Variants in SCAMP4 observed in about 807,000 individuals in gnomAD.
SCAMP4 encodes secretory carrier membrane protein 4, also known as secretory carrier-associated membrane protein 4.
In SCAMP4, 19 loss-of-function variants were observed where a neutral mutation model predicts 32.1. That is an observed-to-expected ratio of 0.59 (90% CI 0.41 to 0.87). The LOEUF (loss-of-function observed/expected upper bound fraction) is 0.87, where lower values mean the gene tolerates loss of function less well. SCAMP4 is among the 40% of genes least tolerant of loss of function. The pLI is 0.00. For missense variants in SCAMP4, 302 were observed against 309.0 expected (o/e 0.98, Z 0.17); for synonymous variants, 152 against 132.7 (o/e 1.15, Z -1.00).
At chr19:1,906,008 C>T (rs978118364) in intron 1 of SCAMP4, 1 of 152,360 alleles carries the variant, frequency 6.6e-6, no homozygotes, top group East Asian at 1.9e-4. Flanking sequence ...CGAGGTTCCC[C>T]GCTGTCTTGC....
At chr19:1,923,637 T>TTAA (rs1555840379) in intron 6 of SCAMP4, among the ~76,000 whole-genome samples, 1 of 148,568 alleles carries the variant, frequency 6.7e-6, no homozygotes, top group African/African-American at 2.5e-5. Flanking sequence ...TTTTTTTTTT[T>TTAA]AGACAGAGTC....
chr19:1,911,299 G>C lies in SCAMP4; in HGVS notation c.-41-3680G>C, dbSNP rs1223764976. 2.6e-5 allele frequency among the ~76,000 whole-genome samples: 4 copies of C among 152,014 alleles called. No homozygotes were observed. In the East Asian group the frequency reaches 7.7e-4, roughly 29 times the overall value. On this transcript the variant is annotated intron_variant, in intron 1 of 6. Coordinates refer to ENST00000316097, the MANE Select transcript of SCAMP4 (RefSeq NM_079834.4). ...TGCTCCTCCTGTTTCAGCTTCTCGA[G>C]TAGCTGAAACCACCGGTGTGTGCCA...
At chr19:1,919,130 C>G (rs1293392702) in intron 5 of SCAMP4, 140 bp downstream of exon 5, 5 of 1,472,372 alleles carry the variant, frequency 3.4e-6, no homozygotes, top group Non-Finnish European at 4.5e-6. Context: ...CTGAGCTCAC[C>G]CTGGCAGCGC....
intron 1 of SCAMP4, chr19:1,912,566 C>G (rs2013525160): frequency 2.0e-6 from 3 of 1,498,712 alleles, no homozygotes; most frequent in Non-Finnish European, 2.7e-6. Flanking sequence ...AGCAGGTGAC[C>G]AGCGCCCTGG....
At chr19:1,905,979 C>G (rs2013092015) in intron 1 of SCAMP4, 1 of 152,234 alleles carries the variant, frequency 6.6e-6, no homozygotes, top group Non-Finnish European at 1.5e-5. Flanking sequence ...AGTTATCTCC[C>G]ACACACTACC....
At chr19:1,905,977 C>G in intron 1 of SCAMP4, 1 of 152,346 alleles carries the variant, frequency 6.6e-6, no homozygotes, top group Non-Finnish European at 1.5e-5. Flanking sequence ...CCAGTTATCT[C>G]CCACACACTA....
intron 2 of SCAMP4, among the ~76,000 whole-genome samples, 180 bp from the exon 3 acceptor site, chr19:1,917,514 C>T (rs572209019): frequency 1.3e-5 from 2 of 152,270 alleles, no homozygotes; most frequent in East Asian, 3.9e-4. Context: ...TCCCACCCTC[C>T]CGTCTCCTCT....
At chr19:1,918,038 G>A (rs952999475) in intron 3 of SCAMP4, 89 bp from the exon 4 acceptor site, 18 of 1,498,698 alleles carry the variant, frequency 1.2e-5, no homozygotes, top group East Asian at 6.9e-5. Flanking sequence ...CTGGGGAGGC[G>A]GACAGCGGGT....
At chr19:1,915,851 C>A (rs1046084683) in intron 2 of SCAMP4, among the ~76,000 whole-genome samples, 43 of 151,196 alleles carry the variant, frequency 2.8e-4, no homozygotes, top group African/African-American at 8.8e-4. Flanking sequence ...GAGGCTGAGG[C>A]AGGAGAATGG....
At chr19:1,909,059 C>T (rs1248336954) in intron 1 of SCAMP4, among the ~76,000 whole-genome samples, 1 of 150,304 alleles carries the variant, frequency 6.7e-6, no homozygotes, top group African/African-American at 2.5e-5. Context: ...GAGCTGAGAT[C>T]ATGCCACTGC....
rs12972686 is a variant in SCAMP4 at position 1,923,819 on chromosome 19, T to G, written c.514-289T>G. 2.8e-3 allele frequency among the ~76,000 whole-genome samples: 362 copies of G among 129,712 alleles called. 7 individuals are homozygous for G. The highest frequency in any genetic ancestry group is 7.8e-3 in the East Asian group (24 of 3,084). The allele number at this position is 129,712 out of a possible 152,430, so 85.1% of individuals were successfully genotyped here. On this transcript the variant is annotated intron_variant, in intron 6 of 6. Coordinates refer to ENST00000316097, the MANE Select transcript of SCAMP4 (RefSeq NM_079834.4). ...TTTTTGTATTTTTGGTAGAGACAGG[T>G]TTTCACCGTGTTAGCCAGGATGGTC...
At chr19:1,919,082 G>A in intron 5 of SCAMP4, 92 bp downstream of exon 5, 2 of 1,547,826 alleles carry the variant, frequency 1.3e-6, no homozygotes, top group Admixed American at 2.0e-5. Context: ...ACCGGAGCGT[G>A]CTGGTCCGGG....
intron 1 of SCAMP4, among the ~76,000 whole-genome samples, chr19:1,914,221 C>T (rs1007625798): frequency 2.6e-5 from 4 of 152,192 alleles, no homozygotes; most frequent in Non-Finnish European, 4.4e-5. Context: ...GGCAGGCGGG[C>T]GGAGGGGAAG....
intron 1 of SCAMP4, chr19:1,906,956 G>C (rs1354491555): frequency 6.6e-6 from 1 of 151,794 alleles, no homozygotes; most frequent in Non-Finnish European, 1.5e-5. Flanking sequence ...GGGGGGCCTA[G>C]GCAGGTATAT....
rs1417454265 is a variant in SCAMP4 at position 1,924,295 on chromosome 19, C to T, written c.*11C>T. 2 of 1,576,754 alleles carry T rather than the reference C, an allele frequency of 1.3e-6. No homozygotes were observed. Among genetic ancestry groups the T allele is most frequent in the African/African-American group, 1.3e-5 (1 of 74,230 alleles). ...GGCCAGTGGCCTTAGAGGGAGCCTG[C>T]CCTGCCCCCACCGCCCACCACCTCC... is the stretch of plus-strand genomic sequence containing the variant. On this transcript the variant is annotated 3_prime_UTR_variant, in exon 7 of 7. Transcript: ENST00000316097.
At chr19:1,907,168 CAG>C in intron 1 of SCAMP4, 1 of 151,194 alleles carries the variant, frequency 6.6e-6, no homozygotes, top group South Asian at 2.1e-4. Flanking sequence ...GCCTGGGGGA[CAG>C]AGTGAGACTG....
chr19:1,912,365 G>A (rs893889283), intron 1 of SCAMP4: 20 of 1,527,208 alleles, frequency 1.3e-5, no homozygotes, highest in East Asian at 2.6e-5. Flanking sequence ...CCCACGCCCT[G>A]GAGATGCTGC....
rs538664300 is a variant in SCAMP4 at position 1,912,109 on chromosome 19, C to G, written c.-41-2870C>G. 6.6e-7 allele frequency: 1 copy of G among 1,521,050 alleles called. No individual in the cohort carries two copies. The highest frequency in any genetic ancestry group is 1.2e-5 in the South Asian group (1 of 80,670). The allele number at this position is 1,521,050 out of a possible 1,614,324, so 94.2% of individuals were successfully genotyped here. A position where few individuals can be genotyped will look rare whatever the true frequency, so the allele number is the denominator to read the frequency against. ...GCCTCGCTGAGGATGGAGCCCGCCC[C>G]GGGCCTCGTGGAGCAGCCCAAGTGC... On this transcript the variant is annotated intron_variant, in intron 1 of 6. Transcript: ENST00000316097.
chr19:1,923,615 C>CTTTTTTTTTT (rs35226425), intron 6 of SCAMP4, among the ~76,000 whole-genome samples: 4 of 86,466 alleles, frequency 4.6e-5, no homozygotes, highest in Non-Finnish European at 6.1e-5. Flanking sequence ...CAGCAAAATG[C>CTTTTTTTTTT]TTTTTTTTTT....
Sources: gnomAD v4.1 joint callset for allele counts (sites outside exome capture counted in the v4.1 genomes callset) on GRCh38, gnomAD v4.1.1 for gene constraint, MANE v1.5 for transcripts, NCBI Gene and HGNC (gene_info 2026-07-23, HGNC 2026-07-21) for gene names.